CCDC178: variants seen among roughly 807,000 people sequenced by gnomAD.
The protein encoded by CCDC178 is coiled-coil domain-containing protein 178.
CCDC178 carries 126 observed loss-of-function variants against 117.4 expected under a neutral mutation model. The ratio of observed to expected loss-of-function variants is 1.07; its 90% CI spans 0.93 to 1.24. The LOEUF (loss-of-function observed/expected upper bound fraction) is 1.24. CCDC178 is among the 50% of genes most tolerant of loss of function. The pLI, the probability that CCDC178 is intolerant of heterozygous loss-of-function variation, is 0.00. For synonymous variants in CCDC178, 283 were observed against 313.4 expected, an observed-to-expected ratio of 0.90 and a Z score of 1.02; for missense variants, 1,030 against 986.9, an observed-to-expected ratio of 1.04 and a Z score of -0.59.
At chr18:33,379,127 TATATATATTTCCATATATATATA>T (rs1568187694) in intron 5 of CCDC178, among the ~76,000 whole-genome samples, 109 of 139,752 alleles carry the variant, frequency 7.8e-4, no homozygotes, top group Non-Finnish European at 3.6e-4. Context: ...ATATATATAA[TATATATATTTCCATATATATATA>T]ATATATATAT....
intron 20 of CCDC178, among the ~76,000 whole-genome samples, chr18:33,178,604 G>A (rs1046678821): frequency 6.6e-6 from 1 of 151,992 alleles, no homozygotes; most frequent in Non-Finnish European, 1.5e-5. Flanking sequence ...TTGCAGCTCC[G>A]TACACGAAGG....
intron 4 of CCDC178, among the ~76,000 whole-genome samples, chr18:33,394,957 A>ATATG (rs2063614462): frequency 7.8e-6 from 1 of 128,484 alleles, no homozygotes; most frequent in Non-Finnish European, 1.7e-5. Context: ...ATATATATAT[A>ATATG]TATATATATA....
At position 33,391,748 on chromosome 18, in the gene CCDC178, A is replaced by C. The variant is rs183646295; in HGVS notation, c.119-2119T>G. On this transcript the variant is annotated intron_variant, in intron 4 of 22. Coordinates refer to ENST00000383096, the MANE Select transcript of CCDC178 (RefSeq NM_001105528.4). ...AAACAAATGTTAATGTATTCAAAAC[A>C]GAAATACATTCAGAACTTAAATGTT... 3.5e-4 allele frequency among the ~76,000 whole-genome samples: 53 copies of C among 152,378 alleles called. 1 individual carries two copies. Among genetic ancestry groups the C allele is most frequent in the South Asian group, 6.2e-4 (3 of 4,834 alleles).
chr18:33,290,019 T>C (rs1430744526), intron 12 of CCDC178, among the ~76,000 whole-genome samples: 1 of 152,086 alleles, frequency 6.6e-6, no homozygotes, highest in Admixed American at 6.6e-5. Flanking sequence ...TCAAAATTCA[T>C]AAAGCAAAAT....
At chr18:33,119,079 A>C (rs1308525879) in intron 20 of CCDC178, among the ~76,000 whole-genome samples, 3 of 152,232 alleles carry the variant, frequency 2.0e-5, no homozygotes, top group Non-Finnish European at 4.4e-5. Context: ...TAAAACCATA[A>C]AAACCCTAGA....
intron 20 of CCDC178, among the ~76,000 whole-genome samples, chr18:33,111,134 T>C (rs1181277218): frequency 2.6e-5 from 4 of 151,638 alleles, no homozygotes; most frequent in Non-Finnish European, 5.9e-5. Context: ...GTTAAATATA[T>C]ACCTAGATGT....
At chr18:32,987,339 T>C (rs570983518) in intron 21 of CCDC178, among the ~76,000 whole-genome samples, 6 of 151,946 alleles carry the variant, frequency 3.9e-5, no homozygotes, top group African/African-American at 1.2e-4. Flanking sequence ...CAATGAAACA[T>C]TGAGTATAGT....
At chr18:33,142,413 T>C (rs1428974806) in intron 20 of CCDC178, among the ~76,000 whole-genome samples, 1 of 152,134 alleles carries the variant, frequency 6.6e-6, no homozygotes, top group African/African-American at 2.4e-5. Context: ...TTTTGAACAA[T>C]ACAGTATCAT....
At chr18:33,094,609 G>A (rs531773566) in intron 20 of CCDC178, among the ~76,000 whole-genome samples, 65 of 151,704 alleles carry the variant, frequency 4.3e-4, no homozygotes, top group Middle Eastern at 3.4e-3. Context: ...ACAGAGTTCC[G>A]GGATTTGCAT....
chr18:33,093,121 T>C (rs912749656), intron 20 of CCDC178, among the ~76,000 whole-genome samples: 3 of 152,126 alleles, frequency 2.0e-5, no homozygotes, highest in Non-Finnish European at 4.4e-5. Flanking sequence ...ATGCAGGTTT[T>C]TTTTTAACAT....
chr18:33,313,184 T>C (rs1476641310), intron 11 of CCDC178, among the ~76,000 whole-genome samples: 14 of 152,174 alleles, frequency 9.2e-5, no homozygotes, highest in Non-Finnish European at 2.1e-4. Context: ...TACATGCACA[T>C]AGGGCTATTT....
At chr18:33,029,499 T>C (rs2056293327) in intron 21 of CCDC178, among the ~76,000 whole-genome samples, 1 of 151,992 alleles carries the variant, frequency 6.6e-6, no homozygotes, top group South Asian at 2.1e-4. Context: ...TTCTATTCTC[T>C]ATCTCATTAA....
At chr18:33,252,917 T>C (rs1034571749) in intron 14 of CCDC178, among the ~76,000 whole-genome samples, 6 of 151,820 alleles carry the variant, frequency 4.0e-5, no homozygotes, top group Admixed American at 4.0e-4. Context: ...AATGACTATA[T>C]AGAAATTCAT....
At chr18:33,294,036 C>T (rs750953755) in intron 11 of CCDC178, among the ~76,000 whole-genome samples, 10 of 152,054 alleles carry the variant, frequency 6.6e-5, no homozygotes, top group Non-Finnish European at 1.5e-4. Context: ...CTTTCACAGG[C>T]TTAGAGGTAA....
At chr18:33,296,211 T>G (rs546791287) in intron 11 of CCDC178, among the ~76,000 whole-genome samples, 10 of 152,204 alleles carry the variant, frequency 6.6e-5, no homozygotes, top group Admixed American at 6.5e-4. Flanking sequence ...GGGTTTCATT[T>G]ATATAACACT....
At chr18:33,075,057 T>A (rs1238560439) in intron 21 of CCDC178, among the ~76,000 whole-genome samples, 1 of 152,158 alleles carries the variant, frequency 6.6e-6, no homozygotes, top group African/African-American at 2.4e-5. Context: ...TGAAAAGACA[T>A]CTATATTAGG....
intron 21 of CCDC178, among the ~76,000 whole-genome samples, chr18:33,004,765 T>C (rs1406760999): frequency 1.3e-5 from 2 of 151,948 alleles, no homozygotes; most frequent in African/African-American, 2.4e-5. Flanking sequence ...AACAACTCTA[T>C]AGGACAAAGC....
intron 21 of CCDC178, among the ~76,000 whole-genome samples, chr18:33,068,242 T>A (rs1159227290): frequency 1.3e-5 from 2 of 152,108 alleles, no homozygotes; most frequent in Non-Finnish European, 2.9e-5. Context: ...CAAACTTACT[T>A]ATAAAGAAGA....
At chr18:33,382,997 G>C (rs2063455033) in intron 5 of CCDC178, among the ~76,000 whole-genome samples, 1 of 152,158 alleles carries the variant, frequency 6.6e-6, no homozygotes, top group Non-Finnish European at 1.5e-5. Context: ...CAGGGGCAGG[G>C]GGAGGGGATA....
Sources: allele counts gnomAD v4.1 joint callset (sites outside exome capture counted in the v4.1 genomes callset), GRCh38; gene constraint gnomAD v4.1.1; transcripts MANE v1.5; gene names NCBI Gene and HGNC (gene_info 2026-07-23, HGNC 2026-07-21).